BANK1: variants seen among roughly 807,000 people sequenced by gnomAD.
BANK1 encodes the protein B-cell scaffold protein with ankyrin repeats.
BANK1 carries 95 observed loss-of-function variants against 94.5 expected under a neutral mutation model. That is an observed-to-expected ratio of 1.00 (90% confidence interval 0.85 to 1.19). The LOEUF (loss-of-function observed/expected upper bound fraction) is 1.19. BANK1 is among the 50% of genes most tolerant of loss of function. BANK1 has a pLI of 0.00. For synonymous variants in BANK1, 334 were observed against 308.4 expected, an observed-to-expected ratio of 1.08 and a Z score of -0.87; for missense variants, 987 against 932.2, an observed-to-expected ratio of 1.06 and a Z score of -0.77.
intron 14 of BANK1, among the ~76,000 whole-genome samples, chr4:102,071,624 C>T (rs1284795162): frequency 6.6e-6 from 1 of 152,058 alleles, no homozygotes; most frequent in East Asian, 1.9e-4. Flanking sequence ...ATATGCAAAA[C>T]GTAGATAAGC....
chr4:101,843,854 G>A (rs568464428), intron 2 of BANK1, among the ~76,000 whole-genome samples: 23 of 152,226 alleles, frequency 1.5e-4, no homozygotes, highest in East Asian at 1.2e-3. Context: ...TCTGGGAGGC[G>A]GAGGTTGAAG....
At chr4:101,925,241 C>T (rs1723118538) in intron 7 of BANK1, among the ~76,000 whole-genome samples, 1 of 151,716 alleles carries the variant, frequency 6.6e-6, no homozygotes, top group Admixed American at 6.6e-5. Flanking sequence ...AAGCCCATTT[C>T]CCACTGTTCT....
chr4:101,849,367 T>TC (rs1727381639), intron 2 of BANK1, among the ~76,000 whole-genome samples: 1 of 152,114 alleles, frequency 6.6e-6, no homozygotes, highest in South Asian at 2.1e-4. Flanking sequence ...GCTAGAATGT[T>TC]CTCTCTCTTC....
chr4:102,012,260 G>T (rs886494204), intron 7 of BANK1, among the ~76,000 whole-genome samples: 1 of 152,122 alleles, frequency 6.6e-6, no homozygotes, highest in Non-Finnish European at 1.5e-5. Flanking sequence ...GGAACAACCT[G>T]CACTGGATGT....
intron 7 of BANK1, among the ~76,000 whole-genome samples, chr4:101,918,458 G>T (rs1006777829): frequency 6.6e-6 from 1 of 151,852 alleles, no homozygotes; most frequent in East Asian, 1.9e-4. Context: ...TTAAGTCCCA[G>T]TTCTGTCTTA....
chr4:101,917,671 G>A (rs910650907), intron 6 of BANK1, among the ~76,000 whole-genome samples: 8 of 151,816 alleles, frequency 5.3e-5, no homozygotes, highest in African/African-American at 1.9e-4. Context: ...TAATGTCTAA[G>A]TACATTCAAA....
At chr4:102,023,130 G>C (rs949164409) in intron 8 of BANK1, among the ~76,000 whole-genome samples, 1 of 152,086 alleles carries the variant, frequency 6.6e-6, no homozygotes, top group Non-Finnish European at 1.5e-5. Flanking sequence ...TGTATCCCCA[G>C]TACCTGTAAC....
intron 12 of BANK1, chr4:102,062,382 TG>T (rs1273787884): frequency 6.6e-6 from 1 of 152,234 alleles, no homozygotes; most frequent in Non-Finnish European, 1.5e-5. Flanking sequence ...AGGAGAGATC[TG>T]TAAGGCAATG....
At chr4:101,923,392 C>G (rs1311806638) in intron 7 of BANK1, among the ~76,000 whole-genome samples, 1 of 151,624 alleles carries the variant, frequency 6.6e-6, no homozygotes, top group East Asian at 1.9e-4. Context: ...TTGCATTTAG[C>G]TCACTACTAA....
intron 7 of BANK1, among the ~76,000 whole-genome samples, chr4:102,014,664 T>A (rs1469400390): frequency 6.6e-6 from 1 of 152,142 alleles, no homozygotes; most frequent in Non-Finnish European, 1.5e-5. Flanking sequence ...ACATCTCTTG[T>A]ATACCCCTGG....
intron 9 of BANK1, among the ~76,000 whole-genome samples, chr4:102,029,283 T>A (rs1246717469): frequency 6.6e-6 from 1 of 152,134 alleles, no homozygotes; most frequent in Non-Finnish European, 1.5e-5. Context: ...GACCGACTGC[T>A]ATGAAACCAA....
Position 102,025,417 on chromosome 4 carries a change from A to C in BANK1, c.1502A>C (p.Gln501Pro), listed in dbSNP as rs1248086635. 3.1e-6 allele frequency: 5 copies of C among 1,613,970 alleles called. No individual in the cohort carries two copies. The highest frequency in any genetic ancestry group is 4.2e-6 in the Non-Finnish European group (5 of 1,180,006). ...GGTGCTGATCCAGAAAATAATTCACAAGAGCCACTCATGAGCAGCAGACCT... is the reference window on the plus strand; with the variant it reads ...GGTGCTGATCCAGAAAATAATTCACCAGAGCCACTCATGAGCAGCAGACCT... Reference protein sequence around the residue: ...IPGADPENNSQEPLMSSRPPL... With the variant: ...IPGADPENNSPEPLMSSRPPL... Residue 501 changes from glutamine (Q) to proline (P), a missense_variant, in exon 9 of 17, where the codon CAA becomes CCA. Physicochemically the swap from Gln to Pro is moderately conservative, Grantham distance 76. Coordinates refer to ENST00000322953, the MANE Select transcript of BANK1 (RefSeq NM_017935.5).
chr4:102,041,707 C>T (rs1490596110), intron 10 of BANK1, among the ~76,000 whole-genome samples: 2 of 151,964 alleles, frequency 1.3e-5, no homozygotes, highest in Non-Finnish European at 2.9e-5. Flanking sequence ...TATCCTACAG[C>T]CTCATCCCAA....
At chr4:102,013,582 T>G (rs996993039) in intron 7 of BANK1, among the ~76,000 whole-genome samples, 1 of 152,096 alleles carries the variant, frequency 6.6e-6, no homozygotes, top group Admixed American at 6.6e-5. Context: ...CCTTAATTTC[T>G]GCTAGTTCAA....
At chr4:101,792,019 T>C (rs1285368315) in intron 1 of BANK1, among the ~76,000 whole-genome samples, 2 of 152,220 alleles carry the variant, frequency 1.3e-5, no homozygotes, top group African/African-American at 4.8e-5. Flanking sequence ...ACCAACCATG[T>C]CTTTCAAACT....
intron 7 of BANK1, among the ~76,000 whole-genome samples, chr4:101,921,026 C>G (rs1489484366): frequency 1.3e-5 from 2 of 151,708 alleles, no homozygotes; most frequent in African/African-American, 4.8e-5. Context: ...ACATTTCTTA[C>G]ATTGCTTCAT....
chr4:101,892,392 G>A (rs1721907580), intron 5 of BANK1, among the ~76,000 whole-genome samples: 1 of 151,402 alleles, frequency 6.6e-6, no homozygotes, highest in African/African-American at 2.4e-5. Flanking sequence ...TTTCTTGGGA[G>A]TAGTCTAACA....
chr4:102,008,594 G>A (rs555378797), intron 7 of BANK1, among the ~76,000 whole-genome samples: 14 of 152,278 alleles, frequency 9.2e-5, no homozygotes, highest in Non-Finnish European at 2.1e-4. Flanking sequence ...TATTGCGTTA[G>A]GTAGATTTAG....
chr4:101,998,451 T>A (rs1018353506), intron 7 of BANK1, among the ~76,000 whole-genome samples: 4 of 151,822 alleles, frequency 2.6e-5, no homozygotes, highest in Non-Finnish European at 5.9e-5. Flanking sequence ...TCCAGAGCCC[T>A]CAAGTCCTGA....
Sources: gnomAD v4.1 joint callset for allele counts (sites outside exome capture counted in the v4.1 genomes callset) on GRCh38, gnomAD v4.1.1 for gene constraint, MANE v1.5 for transcripts, NCBI Gene and HGNC (gene_info 2026-07-23, HGNC 2026-07-21) for gene names.